RNF213: variants seen among roughly 807,000 people sequenced by gnomAD.
RNF213 encodes E3 ubiquitin-protein ligase RNF213.
In RNF213, 341 loss-of-function variants were observed where a neutral mutation model predicts 514.4. The observed-to-expected ratio is 0.66, with a 90% CI of 0.61 to 0.73. The LOEUF (loss-of-function observed/expected upper bound fraction) is 0.73. Among genes scored for constraint, RNF213 ranks in the 30% least tolerant of loss-of-function variants. The pLI, the probability that RNF213 is intolerant of heterozygous loss-of-function variation, is 0.00. For missense variants in RNF213, 5,767 were observed against 6,615.6 expected (o/e 0.87, Z 4.45); for synonymous variants, 2,655 against 2,658.2 (o/e 1.00, Z 0.04).
chr17:80,389,186 G>C lies in RNF213; in HGVS notation c.15014G>C (p.Ser5005Thr). 1.9e-6 allele frequency: 3 copies of C among 1,614,132 alleles called. No individual in the cohort carries two copies. The highest frequency in any genetic ancestry group is 2.5e-6 in the Non-Finnish European group (3 of 1,179,974). The change falls in exon 65 of 68, where the codon AGC becomes ACC. Residue 5005 changes from serine to threonine, a missense_variant. By Grantham distance (58) the Ser-to-Thr change is moderately conservative. Coordinates refer to ENST00000582970, the MANE Select transcript of RNF213 (RefSeq NM_001256071.3). ...KNKMAQDSLP[S>T]SVISAISGQL... is the part of the protein sequence containing the mutation. The stretch of plus-strand genomic sequence containing the variant: ...TTCATTTCCCAGGACTCCCTCCCCA[G>C]CTCGGTCATTAGTGCCATCAGTGGA...
At chr17:80,306,598 T>A (rs2143577686) in intron 12 of RNF213, 130 bp downstream of exon 12, 8 of 916,188 alleles carry the variant, frequency 8.7e-6, no homozygotes, top group South Asian at 7.0e-5. Flanking sequence ...CACGCCTGAA[T>A]CCCAGCACTT....
intron 62 of RNF213, 108 bp from the exon 63 acceptor site, chr17:80,386,582 G>GT: frequency 1.4e-6 from 2 of 1,451,172 alleles, no homozygotes; most frequent in Admixed American, 3.5e-5. Flanking sequence ...CTTGGGTAGG[G>GT]TTTTCCACTG....
In RNF213 at chr17:80,394,984, G is replaced by A. The variant is rs1403308349; in HGVS notation, c.*1486G>A. ...TTGCTGAAGTCTTCAACTTGCACTC[G>A]GAGCTCCTTTGATACCTCAGAGCTG... On this transcript the variant is annotated 3_prime_UTR_variant, in exon 68 of 68. Coordinates refer to ENST00000582970, the MANE Select transcript of RNF213 (RefSeq NM_001256071.3). 3 of 152,140 alleles carry A rather than the reference G, an allele frequency of 2.0e-5. No homozygotes were observed. Among genetic ancestry groups the A allele is most frequent in the Admixed American group, 6.5e-5 (1 of 15,268 alleles). The allele number at this position is 152,140 out of a possible 1,614,324, so 9.4% of individuals were successfully genotyped here.
chr17:80,382,016 A>G (rs1002613070), intron 57 of RNF213: 3 of 432,714 alleles, frequency 6.9e-6, no homozygotes, highest in East Asian at 4.8e-5. Flanking sequence ...TCTGCACGCA[A>G]GTGTTCAGTG....
Position 80,371,870 on chromosome 17 carries a change from G to A in RNF213, c.12426-4G>A, listed in dbSNP as rs2079531726. On this transcript the variant is annotated splice_polypyrimidine_tract_variant and splice_region_variant and intron_variant, in intron 46 of 67. Transcript: ENST00000582970. ...AACCAGGAATAATATTTCTCTTTCTGCAGCTTTCATGATGTAAAAGATTAT... is the reference window on the plus strand; with the variant it reads ...AACCAGGAATAATATTTCTCTTTCTACAGCTTTCATGATGTAAAAGATTAT... 2.2e-6 allele frequency: 3 copies of A among 1,374,130 alleles called. No individual in the cohort carries two copies. The East Asian group carries it at 6.9e-5, about 31-fold the overall frequency. The allele number at this position is 1,374,130 out of a possible 1,614,324, so 85.1% of individuals were successfully genotyped here.
chr17:80,282,076 C>A (rs1218670741), intron 3 of RNF213, among the ~76,000 whole-genome samples: 1 of 152,020 alleles, frequency 6.6e-6, no homozygotes, highest in East Asian at 1.9e-4. Flanking sequence ...AGGCTGGTTT[C>A]AAGCTCCTGA....
chr17:80,310,743 G>T (rs2045543139), intron 14 of RNF213, among the ~76,000 whole-genome samples: 1 of 152,050 alleles, frequency 6.6e-6, no homozygotes, highest in African/African-American at 2.4e-5. Context: ...GTCGAGACAG[G>T]ATTTCTACAT....
chr17:80,326,724 G>A (rs2046291411), intron 18 of RNF213, among the ~76,000 whole-genome samples: 1 of 152,158 alleles, frequency 6.6e-6, no homozygotes, highest in Admixed American at 6.5e-5. Context: ...TCTTTTCATG[G>A]CTTGAGAGCT....
At position 80,278,977 on chromosome 17, in the gene RNF213, G is replaced by T. The variant is rs983378850; in HGVS notation, c.261+5573G>T. The T allele has an allele frequency of 5.9e-6, 9 of 1,523,360 alleles. No homozygotes were observed. In the Middle Eastern group the frequency reaches 6.8e-4, roughly 115 times the overall value. The allele number at this position is 1,523,360 out of a possible 1,614,324, so 94.4% of individuals were successfully genotyped here. ...GGTGCATGCTGGCACAGCCTGGCAC[G>T]GCCACCTCGCACTTCCGGCCCTTGA... On this transcript the variant is annotated intron_variant, in intron 3 of 67. Coordinates refer to ENST00000582970, the MANE Select transcript of RNF213 (RefSeq NM_001256071.3).
In RNF213 at chr17:80,397,122, G is replaced by C. The variant is rs2080681541; in HGVS notation, c.*3624G>C. The C allele has an allele frequency of 6.6e-6, 1 of 152,466 alleles. No individual in the cohort carries two copies. Among genetic ancestry groups the C allele is most frequent in the African/African-American group, 2.4e-5 (1 of 41,394 alleles). The allele number at this position is 152,466 out of a possible 1,614,324, so 9.4% of individuals were successfully genotyped here. A position where few individuals can be genotyped will look rare whatever the true frequency, so the allele number is the denominator to read the frequency against. The stretch of plus-strand genomic sequence containing the variant: ...CACGATCTTTGCCCCATCGCCACAG[G>C]TCCATGAGTGACTCCTAATTACCAA... On this transcript the variant is annotated 3_prime_UTR_variant, in exon 68 of 68. Coordinates refer to ENST00000582970, the MANE Select transcript of RNF213 (RefSeq NM_001256071.3).
In RNF213 at chr17:80,348,163, C is replaced by T. The variant is rs558060490; in HGVS notation, c.9828C>T (p.Gly3276=). 3.1e-5 allele frequency: 50 copies of T among 1,614,028 alleles called. No individual in the cohort carries two copies. The Admixed American group carries it at 4.7e-4, about 15-fold the overall frequency. Residue 3276 remains glycine (G), a synonymous_variant, in exon 29 of 68, where the codon GGC becomes GGT. Transcript: ENST00000582970. ...TCCGGCTGAGCGCCTACTCGCTGGG[C>T]GGGTTCGCAGCGGAGTGGCTGTCGC... ...AVVRLSAYSL[G]GFAAEWLSQE...
intron 21 of RNF213, among the ~76,000 whole-genome samples, chr17:80,333,209 C>A (rs891193794): frequency 3.7e-5 from 5 of 135,934 alleles, no homozygotes; most frequent in African/African-American, 1.4e-4. Context: ...CAACCACGCC[C>A]GGCTAATTTT....
At chr17:80,303,379 C>T (rs2045244659) in intron 11 of RNF213, among the ~76,000 whole-genome samples, 1 of 152,028 alleles carries the variant, frequency 6.6e-6, no homozygotes, top group African/African-American at 2.4e-5. Context: ...GAAAGAGACG[C>T]CCCCTCATAA....
At chr17:80,372,823 G>C in intron 48 of RNF213, 89 bp downstream of exon 48, 1 of 1,416,940 alleles carries the variant, frequency 7.1e-7, no homozygotes, top group East Asian at 2.4e-5. Flanking sequence ...TCTTCGAATA[G>C]ACTACTACTG....
At chr17:80,385,214 G>A (rs770518080) in intron 60 of RNF213, 43 bp downstream of exon 60, 1 of 1,613,620 alleles carries the variant, frequency 6.2e-7, no homozygotes, top group Non-Finnish European at 8.5e-7. Flanking sequence ...CCCGCATTTG[G>A]CGGTTCGAAA....
rs760116718 is a variant in RNF213, at chr17:80,273,271, C to T, written c.128C>T (p.Ser43Leu). 20 of 1,613,532 alleles carry T rather than the reference C, an allele frequency of 1.2e-5. No individual in the cohort carries two copies. The highest frequency in any genetic ancestry group is 4.0e-5 in the African/African-American group (3 of 74,910). The change falls in exon 3 of 68, where the codon TCG becomes TTG. Residue 43 changes from serine (S) to leucine (L), a missense_variant. By Grantham distance (145) the Ser-to-Leu change is moderately radical (BLOSUM62 -2). Coordinates refer to ENST00000582970, the MANE Select transcript of RNF213 (RefSeq NM_001256071.3). ...GAGAACAATAACTCCACAATGGCGTCGGCCTCGGAGGGTGAAATGGAGTGT... is the reference window on the plus strand; with the variant it reads ...GAGAACAATAACTCCACAATGGCGTTGGCCTCGGAGGGTGAAATGGAGTGT... ...DSENNNSTMA[S>L]ASEGEMECGQ...
intron 51 of RNF213, 95 bp downstream of exon 51, chr17:80,375,965 AT>A: frequency 2.0e-6 from 2 of 1,004,062 alleles, no homozygotes; most frequent in Non-Finnish European, 3.1e-6. Context: ...TCATACCATA[AT>A]TTTTTTATCT....
chr17:80,325,349 G>A (rs892100402), intron 18 of RNF213, among the ~76,000 whole-genome samples, 151 bp downstream of exon 18: 1 of 152,096 alleles, frequency 6.6e-6, no homozygotes, highest in Non-Finnish European at 1.5e-5. Flanking sequence ...GAGAGACCCT[G>A]GAAGGCTCAG....
chr17:80,356,982 C>T (rs984047370), intron 36 of RNF213, among the ~76,000 whole-genome samples: 10 of 151,016 alleles, frequency 6.6e-5, no homozygotes, highest in South Asian at 2.1e-4. Flanking sequence ...TGCAATGGCG[C>T]GATTTTGGCT....
Sources: gnomAD v4.1 joint callset for allele counts (sites outside exome capture counted in the v4.1 genomes callset) on GRCh38, gnomAD v4.1.1 for gene constraint, MANE v1.5 for transcripts, NCBI Gene and HGNC (gene_info 2026-07-23, HGNC 2026-07-21) for gene names.